Variants in FAM151B observed in about 807,000 individuals in gnomAD.
FAM151B encodes protein FAM151B.
Under a neutral mutation model 31.2 loss-of-function variants are expected in FAM151B, and 24 were observed. That is an observed-to-expected ratio of 0.77 (90% CI 0.56 to 1.08). FAM151B has a LOEUF of 1.08. FAM151B is among the 50% of genes least tolerant of loss of function. The pLI is 0.00. For synonymous variants in FAM151B, 105 were observed against 111.4 expected (o/e 0.94, Z 0.36); for missense variants, 293 against 328.6 (o/e 0.89, Z 0.84).
chr5:80,529,821 G>A (rs952953553), intron 5 of FAM151B, among the ~76,000 whole-genome samples: 3 of 135,956 alleles, frequency 2.2e-5, no homozygotes, highest in Non-Finnish European at 4.8e-5. Flanking sequence ...AAGAGGAGCT[G>A]GTAGCATTCC....
intron 2 of FAM151B, chr5:80,506,063 T>G: frequency 2.0e-6 from 2 of 985,928 alleles, no homozygotes; most frequent in Non-Finnish European, 2.4e-6. Flanking sequence ...GCCAAGAACT[T>G]TACTTTTATT....
At chr5:80,524,585 T>C (rs1744872504) in intron 5 of FAM151B, among the ~76,000 whole-genome samples, 1 of 152,110 alleles carries the variant, frequency 6.6e-6, no homozygotes, top group Non-Finnish European at 1.5e-5. Flanking sequence ...CTACAGAACA[T>C]TATCATTAGT....
chr5:80,540,469 A>G (rs1029048443), intron 5 of FAM151B, among the ~76,000 whole-genome samples: 1 of 152,224 alleles, frequency 6.6e-6, no homozygotes. Context: ...TTGAGAATTT[A>G]TATCAATGAA....
At chr5:80,504,092 C>G (rs1318679481) in intron 2 of FAM151B, among the ~76,000 whole-genome samples, 1 of 152,160 alleles carries the variant, frequency 6.6e-6, no homozygotes, top group Non-Finnish European at 1.5e-5. Context: ...TTAGAGATCT[C>G]TCATGCGTCT....
chr5:80,491,660 C>T (rs1203125767), intron 1 of FAM151B, among the ~76,000 whole-genome samples: 1 of 152,184 alleles, frequency 6.6e-6, no homozygotes, highest in Non-Finnish European at 1.5e-5. Context: ...CCTCTGGTAA[C>T]CACTATTCTG....
At position 80,538,468 on chromosome 5, in the gene FAM151B, T is replaced by TTC. The variant is rs1405856387; in HGVS notation, c.672-3203_672-3202dup. ...TCTTTCTCTTTCTTTCTTTCTTTCT[T>TTC]TCTTTCTTTCTTTCTTTCCTTCCTT... On this transcript the variant is annotated intron_variant, in intron 5 of 5. Coordinates refer to ENST00000282226, the MANE Select transcript of FAM151B (RefSeq NM_205548.3). Among the ~76,000 whole-genome samples the TTC allele has an allele frequency of 5.3e-3, 609 of 114,834 alleles. 23 individuals are homozygous for TTC. Among genetic ancestry groups the TTC allele is most frequent in the African/African-American group, 0.015 (415 of 27,576 alleles). 75.3% of individuals were successfully genotyped at this position (114,834 alleles called of 152,430 possible). A position where few individuals can be genotyped will look rare whatever the true frequency, so the allele number is the denominator to read the frequency against.
At chr5:80,510,313 A>G (rs1319114025) in intron 2 of FAM151B, among the ~76,000 whole-genome samples, 1 of 152,178 alleles carries the variant, frequency 6.6e-6, no homozygotes, top group African/African-American at 2.4e-5. Context: ...TCAGATAGGA[A>G]GTCTTAGTTC....
chr5:80,516,637 A>G (rs911649243), intron 3 of FAM151B, among the ~76,000 whole-genome samples: 1 of 152,216 alleles, frequency 6.6e-6, no homozygotes, highest in Non-Finnish European at 1.5e-5. Context: ...TCTCACCAGG[A>G]CTTTCCTCTT....
At chr5:80,538,806 C>G (rs1745727710) in intron 5 of FAM151B, among the ~76,000 whole-genome samples, 1 of 151,780 alleles carries the variant, frequency 6.6e-6, no homozygotes, top group Non-Finnish European at 1.5e-5. Context: ...GCTACATTGG[C>G]CAGGCTGGTC....
chr5:80,488,299 C>G, intron 1 of FAM151B, 151 bp downstream of exon 1: 3 of 1,036,538 alleles, frequency 2.9e-6, no homozygotes, highest in Non-Finnish European at 4.0e-6. Context: ...TTGGAGCCCG[C>G]TCTGCACTCG....
At chr5:80,517,608 A>G (rs1010456729) in intron 3 of FAM151B, among the ~76,000 whole-genome samples, 3 of 152,214 alleles carry the variant, frequency 2.0e-5, no homozygotes, top group Non-Finnish European at 4.4e-5. Context: ...CTTCGTCTAC[A>G]TTAGTGATAA....
At chr5:80,503,284 A>G (rs1474451886) in intron 2 of FAM151B, among the ~76,000 whole-genome samples, 1 of 152,166 alleles carries the variant, frequency 6.6e-6, no homozygotes, top group African/African-American at 2.4e-5. Context: ...AAATCTCAGG[A>G]TGTGGTCAGG....
In FAM151B at chr5:80,513,785, C is replaced by T. The variant is rs959014785; in HGVS notation, c.317+16C>T. Reference sequence around the variant, plus strand: ...ATTTCAAAAGGTATTTGTATAAACACGTTCAATTTTCTGGGAAAAAAGTAA... The same window carrying T: ...ATTTCAAAAGGTATTTGTATAAACATGTTCAATTTTCTGGGAAAAAAGTAA... On this transcript the variant is annotated intron_variant, in intron 3 of 5. Transcript: ENST00000282226. 4 of 1,583,998 alleles carry T rather than the reference C, an allele frequency of 2.5e-6. No homozygotes were observed. The highest frequency in any genetic ancestry group is 1.2e-5 in the South Asian group (1 of 86,256).
intron 1 of FAM151B, 66 bp from the exon 2 acceptor site, chr5:80,501,722 TGAAA>T: frequency 8.9e-7 from 1 of 1,123,950 alleles, no homozygotes; most frequent in Non-Finnish European, 1.3e-6. Flanking sequence ...ATATACACAA[TGAAA>T]GTGATTTTAA....
intron 3 of FAM151B, among the ~76,000 whole-genome samples, chr5:80,516,767 T>G (rs1409873909): frequency 6.6e-6 from 1 of 152,190 alleles, no homozygotes; most frequent in Non-Finnish European, 1.5e-5. Context: ...ATTTATAGAT[T>G]AATTTAGAAG....
intron 3 of FAM151B, among the ~76,000 whole-genome samples, 197 bp from the exon 4 acceptor site, chr5:80,519,496 T>G (rs910231162): frequency 1.3e-5 from 2 of 152,228 alleles, no homozygotes; most frequent in African/African-American, 4.8e-5. Flanking sequence ...TCATGAATAA[T>G]AAGCACAGTT....
chr5:80,499,701 T>C (rs1743673664), intron 1 of FAM151B, among the ~76,000 whole-genome samples: 1 of 151,634 alleles, frequency 6.6e-6, no homozygotes, highest in Non-Finnish European at 1.5e-5. Flanking sequence ...CCTATATGTC[T>C]ACTAATTATT....
chr5:80,498,882 G>A (rs1184324721), intron 1 of FAM151B: 1 of 339,656 alleles, frequency 2.9e-6, no homozygotes, highest in East Asian at 6.8e-5. Context: ...CTGATCAGGA[G>A]GAATTCCTGG....
At chr5:80,523,433 G>C (rs948835783) in intron 5 of FAM151B, among the ~76,000 whole-genome samples, 3 of 152,082 alleles carry the variant, frequency 2.0e-5, no homozygotes, top group African/African-American at 7.2e-5. Flanking sequence ...AATTTCCTTG[G>C]AGAGAAATTT....
Sources: allele counts gnomAD v4.1 joint callset (sites outside exome capture counted in the v4.1 genomes callset), GRCh38; gene constraint gnomAD v4.1.1; transcripts MANE v1.5; gene names NCBI Gene and HGNC (gene_info 2026-07-23, HGNC 2026-07-21).